Variants in DCC observed in about 807,000 individuals in gnomAD.
The protein encoded by DCC is netrin receptor DCC.
A neutral mutation model predicts 172.5 loss-of-function variants in DCC; 58 were observed. The ratio of observed to expected loss-of-function variants is 0.34; its 90% CI spans 0.27 to 0.42. DCC has a LOEUF of 0.42. DCC is among the 10% of genes least tolerant of loss of function. DCC has a pLI of 1.00. For missense variants in DCC, 1,740 were observed against 1,791.0 expected, an observed-to-expected ratio of 0.97 and a Z score of 0.51; for synonymous variants, 709 against 644.5, an observed-to-expected ratio of 1.10 and a Z score of -1.52.
intron 1 of DCC, among the ~76,000 whole-genome samples, chr18:52,426,555 T>A (rs1568165022): frequency 6.6e-6 from 1 of 152,028 alleles, no homozygotes; most frequent in Non-Finnish European, 1.5e-5. Flanking sequence ...AACAAATCAA[T>A]AATCACCCCA....
chr18:53,127,452 C>T (rs1458759459), intron 7 of DCC, among the ~76,000 whole-genome samples: 1 of 152,056 alleles, frequency 6.6e-6, no homozygotes, highest in African/African-American at 2.4e-5. Context: ...TGCCGGTGTT[C>T]TCCCAGTCTG....
chr18:52,367,972 T>C (rs1298583947), intron 1 of DCC, among the ~76,000 whole-genome samples: 2 of 152,222 alleles, frequency 1.3e-5, no homozygotes, highest in African/African-American at 4.8e-5. Flanking sequence ...CCAGTCCAGA[T>C]AGTGACATCT....
intron 7 of DCC, among the ~76,000 whole-genome samples, chr18:53,076,992 C>A (rs1599103061): frequency 6.6e-6 from 1 of 152,142 alleles, no homozygotes; most frequent in East Asian, 1.9e-4. Flanking sequence ...TGGATGCTGG[C>A]TGATGTCAAC....
At chr18:52,518,625 G>C (rs1465206299) in intron 1 of DCC, among the ~76,000 whole-genome samples, 1 of 152,138 alleles carries the variant, frequency 6.6e-6, no homozygotes, top group East Asian at 1.9e-4. Flanking sequence ...AAGTAGATCT[G>C]AATACATGTG....
At chr18:53,160,627 A>G (rs1394956682) in intron 8 of DCC, among the ~76,000 whole-genome samples, 1 of 152,208 alleles carries the variant, frequency 6.6e-6, no homozygotes, top group African/African-American at 2.4e-5. Context: ...CTTTAAATTC[A>G]TAGCTACTAA....
At chr18:53,069,730 C>T (rs2042626752) in intron 7 of DCC, among the ~76,000 whole-genome samples, 1 of 152,132 alleles carries the variant, frequency 6.6e-6, no homozygotes, top group African/African-American at 2.4e-5. Flanking sequence ...ATCCTCCCCT[C>T]TCTGACCCTG....
chr18:52,668,891 C>T (rs188955512), intron 1 of DCC, among the ~76,000 whole-genome samples: 5 of 152,356 alleles, frequency 3.3e-5, no homozygotes, highest in African/African-American at 1.2e-4. Context: ...GCCTTGTGGT[C>T]ATGGTGTAAC....
chr18:53,376,593 A>G (rs1907305841), intron 15 of DCC, among the ~76,000 whole-genome samples: 1 of 152,094 alleles, frequency 6.6e-6, no homozygotes, highest in Non-Finnish European at 1.5e-5. Context: ...AACAATAGGG[A>G]AGCAATTATT....
At chr18:52,579,135 C>A (rs957333379) in intron 1 of DCC, among the ~76,000 whole-genome samples, 1 of 152,170 alleles carries the variant, frequency 6.6e-6, no homozygotes, top group African/African-American at 2.4e-5. Context: ...TTGCTCACAT[C>A]CTTAAAATAA....
intron 15 of DCC, among the ~76,000 whole-genome samples, chr18:53,370,152 A>C (rs1293394069): frequency 6.6e-6 from 1 of 151,790 alleles, no homozygotes; most frequent in Non-Finnish European, 1.5e-5. Flanking sequence ...AGTTCTATTC[A>C]GATTTTCTAT....
At chr18:52,778,533 A>T (rs1055288519) in intron 2 of DCC, among the ~76,000 whole-genome samples, 4 of 152,186 alleles carry the variant, frequency 2.6e-5, no homozygotes, top group African/African-American at 9.6e-5. Context: ...ATCATACTCA[A>T]TAGACCCTTT....
rs533920847 is a variant in DCC, at chr18:53,462,690, G to A, written c.3619+3232G>A. Among the ~76,000 whole-genome samples the A allele has an allele frequency of 3.2e-4, 48 of 152,174 alleles. 1 individual carries two copies. Among genetic ancestry groups the A allele is most frequent in the African/African-American group, 9.4e-4 (39 of 41,522 alleles). On this transcript the variant is annotated intron_variant, in intron 24 of 28. Transcript: ENST00000442544. ...AAATTTTCTTCCATGAAACTGGTCC[G>A]TGGTGCCAAAAAGGTTGGGAATGGC...
intron 26 of DCC, among the ~76,000 whole-genome samples, chr18:53,493,223 G>C (rs2045979106): frequency 6.6e-6 from 1 of 152,126 alleles, no homozygotes; most frequent in Non-Finnish European, 1.5e-5. Context: ...GGAGATTTAG[G>C]GCTGAGATGA....
At chr18:53,270,658 A>C (rs1026396500) in intron 12 of DCC, among the ~76,000 whole-genome samples, 1 of 152,150 alleles carries the variant, frequency 6.6e-6, no homozygotes, top group African/African-American at 2.4e-5. Context: ...CATGATGCTG[A>C]AAATGTAATT....
At chr18:52,361,728 T>C (rs745898882) in intron 1 of DCC, among the ~76,000 whole-genome samples, 6 of 152,260 alleles carry the variant, frequency 3.9e-5, no homozygotes, top group Admixed American at 2.6e-4. Context: ...CCCCAGGTGA[T>C]GGCTATGCAA....
intron 1 of DCC, among the ~76,000 whole-genome samples, chr18:52,590,115 T>C (rs1299118020): frequency 6.6e-6 from 1 of 152,086 alleles, no homozygotes; most frequent in Non-Finnish European, 1.5e-5. Context: ...AGGTTCTGTT[T>C]ATTTTTGTAC....
chr18:52,514,806 G>A (rs1325329360), intron 1 of DCC, among the ~76,000 whole-genome samples: 2 of 152,108 alleles, frequency 1.3e-5, no homozygotes, highest in Non-Finnish European at 2.9e-5. Flanking sequence ...GAAAATAAGT[G>A]GAAATATTGC....
chr18:52,470,735 A>G (rs561012782), intron 1 of DCC, among the ~76,000 whole-genome samples: 2 of 152,300 alleles, frequency 1.3e-5, no homozygotes, highest in African/African-American at 4.8e-5. Context: ...AATGGGAAAC[A>G]AAGTATCACA....
chr18:53,031,056 C>T (rs559932968), intron 5 of DCC, among the ~76,000 whole-genome samples: 3 of 152,070 alleles, frequency 2.0e-5, no homozygotes, highest in South Asian at 2.1e-4. Flanking sequence ...GTCAAGAGTT[C>T]GAGACCAGCC....
Sources: gnomAD v4.1 joint callset for allele counts (sites outside exome capture counted in the v4.1 genomes callset) on GRCh38, gnomAD v4.1.1 for gene constraint, MANE v1.5 for transcripts, NCBI Gene and HGNC (gene_info 2026-07-23, HGNC 2026-07-21) for gene names.